The following PPM1H variants were observed in gnomAD, a reference collection of about 807,000 sequenced individuals.
PPM1H encodes protein phosphatase, Mg2+/Mn2+ dependent 1H.
In PPM1H, 27 loss-of-function variants were observed where a neutral mutation model predicts 54.9. The observed-to-expected ratio is 0.49, with a 90% CI of 0.36 to 0.68. The LOEUF is 0.68. PPM1H is among the 30% of genes least tolerant of loss of function. The pLI, the probability that PPM1H is intolerant of heterozygous loss-of-function variation, is 0.00. For synonymous variants in PPM1H, 305 were observed against 270.8 expected, an observed-to-expected ratio of 1.13 and a Z score of -1.24; for missense variants, 596 against 667.8, an observed-to-expected ratio of 0.89 and a Z score of 1.19.
At chr12:62,787,741 T>C (rs1042984906) in intron 4 of PPM1H, among the ~76,000 whole-genome samples, 1 of 152,218 alleles carries the variant, frequency 6.6e-6, no homozygotes, top group Non-Finnish European at 1.5e-5. Flanking sequence ...CAATGATCTC[T>C]TGGCTCAAAT....
intron 1 of PPM1H, among the ~76,000 whole-genome samples, chr12:62,855,526 G>C (rs1234937201): frequency 6.6e-6 from 1 of 152,180 alleles, no homozygotes. Flanking sequence ...GTTTCAATTA[G>C]CAGCGAGAAA....
chr12:62,871,530 T>C (rs1271686803), intron 1 of PPM1H, among the ~76,000 whole-genome samples: 1 of 150,504 alleles, frequency 6.6e-6, no homozygotes, highest in Non-Finnish European at 1.5e-5. Flanking sequence ...TTTTTTTTTT[T>C]TTGAGATAGG....
At chr12:62,648,673 G>A (rs994129450) in intron 9 of PPM1H, 37 bp from the exon 10 acceptor site, 1 of 1,604,504 alleles carries the variant, frequency 6.2e-7, no homozygotes, top group South Asian at 1.1e-5. Flanking sequence ...AGTCAGTAGA[G>A]CATCAGACAG....
chr12:62,771,295 GACACACACACACACACACACACACACAC>G, intron 4 of PPM1H, among the ~76,000 whole-genome samples: 1 of 131,968 alleles, frequency 7.6e-6, no homozygotes, highest in Middle Eastern at 3.9e-3. Flanking sequence ...ACTTTGTGAA[GACACACACACACACACACACACACACAC>G]ACACACACAC....
chr12:62,814,988 C>T (rs1252613255), intron 2 of PPM1H, among the ~76,000 whole-genome samples: 1 of 152,196 alleles, frequency 6.6e-6, no homozygotes, highest in Non-Finnish European at 1.5e-5. Flanking sequence ...ATAGGCATTC[C>T]ATCCACAGGG....
At chr12:62,835,352 AC>A (rs1868471379) in intron 1 of PPM1H, among the ~76,000 whole-genome samples, 1 of 152,242 alleles carries the variant, frequency 6.6e-6, no homozygotes, top group African/African-American at 2.4e-5. Flanking sequence ...GATGATCATG[AC>A]TGGCGCAAGG....
At chr12:62,730,450 T>C (rs1204991927) in intron 5 of PPM1H, among the ~76,000 whole-genome samples, 1 of 152,186 alleles carries the variant, frequency 6.6e-6, no homozygotes, top group African/African-American at 2.4e-5. Flanking sequence ...ATCAGCAGAA[T>C]GTGGAAAATA....
chr12:62,923,230 A>C (rs182414637), intron 1 of PPM1H, among the ~76,000 whole-genome samples: 13 of 152,346 alleles, frequency 8.5e-5, no homozygotes, highest in Admixed American at 8.5e-4. Context: ...ACAAGCTTAG[A>C]GATAACTCAA....
chr12:62,756,015 G>T, intron 4 of PPM1H: 1 of 1,410,470 alleles, frequency 7.1e-7, no homozygotes, highest in Non-Finnish European at 9.9e-7. Context: ...AGGTGGTGAA[G>T]CAGGCGTCCG....
rs1239990356 is a variant in PPM1H at position 62,844,321 on chromosome 12, C to A, written c.246-12042G>T. 6.6e-6 allele frequency among the ~76,000 whole-genome samples: 1 copy of A among 152,112 alleles called. No individual in the cohort carries two copies. On this transcript the variant is annotated intron_variant, in intron 1 of 9. Transcript: ENST00000228705. This position sits in a 1 kb window ranked among gnomAD's most constrained non-coding sequence, Gnocchi z 5.2. ...TTGCTTAGTATGGATTACTACATTCCAAGGAAGATTGCTTTAGCATTCCTG... is the reference window on the plus strand; with the variant it reads ...TTGCTTAGTATGGATTACTACATTCAAAGGAAGATTGCTTTAGCATTCCTG...
At chr12:62,876,426 T>C (rs1164836110) in intron 1 of PPM1H, among the ~76,000 whole-genome samples, 6 of 152,296 alleles carry the variant, frequency 3.9e-5, no homozygotes, top group Admixed American at 3.9e-4. Flanking sequence ...ATCAGGCCAT[T>C]TGTTAATGAT....
At chr12:62,917,687 T>TA (rs1216130617) in intron 1 of PPM1H, among the ~76,000 whole-genome samples, 7 of 152,338 alleles carry the variant, frequency 4.6e-5, no homozygotes, top group African/African-American at 1.7e-4. Flanking sequence ...CCTAAACATT[T>TA]AGTCTCTTTT....
chr12:62,844,027 G>C lies in PPM1H; in HGVS notation c.246-11748C>G, dbSNP rs1427410225. 2.6e-5 allele frequency among the ~76,000 whole-genome samples: 4 copies of C among 152,174 alleles called. No individual in the cohort carries two copies. The highest frequency in any genetic ancestry group is 5.9e-5 in the Non-Finnish European group (4 of 68,024). On this transcript the variant is annotated intron_variant, in intron 1 of 9. Transcript: ENST00000228705. The surrounding 1 kb of genome is among the most constrained non-coding windows in gnomAD (Gnocchi z 5.2). The stretch of plus-strand genomic sequence containing the variant: ...ATCTGAGTTTCATTTTAGGCAAACT[G>C]ATTTCTCTACCCTAAGGAAGCTAGA...
chr12:62,660,674 T>C lies in PPM1H; in HGVS notation c.1397+6504A>G, dbSNP rs143798368. On this transcript the variant is annotated intron_variant, in intron 9 of 9. Transcript: ENST00000228705. ...GAAACCAGAGCCCTGTCTCTCACCA[T>C]ATACAAAAATCAAATAATAAAAACA... Among the ~76,000 whole-genome samples, 1,219 of 152,278 alleles carry C rather than the reference T, an allele frequency of 8.0e-3. 16 individuals are homozygous for C. Among genetic ancestry groups the C allele is most frequent in the African/African-American group, 0.027 (1,112 of 41,548 alleles).
At chr12:62,772,401 A>G (rs1431363331) in intron 4 of PPM1H, among the ~76,000 whole-genome samples, 1 of 152,216 alleles carries the variant, frequency 6.6e-6, no homozygotes, top group African/African-American at 2.4e-5. Context: ...CTTCACATAG[A>G]GAGCTACTGT....
At chr12:62,742,568 T>C (rs1433516818) in intron 4 of PPM1H, among the ~76,000 whole-genome samples, 3 of 152,254 alleles carry the variant, frequency 2.0e-5, no homozygotes, top group East Asian at 3.8e-4. Context: ...AGCTACAGTC[T>C]GTCATCACAG....
chr12:62,931,818 A>T (rs1353416872), intron 1 of PPM1H, among the ~76,000 whole-genome samples: 3 of 152,226 alleles, frequency 2.0e-5, no homozygotes, highest in African/African-American at 7.2e-5. Flanking sequence ...AGTAAGCATT[A>T]ACTATGTTAG....
intron 4 of PPM1H, among the ~76,000 whole-genome samples, chr12:62,775,204 AATT>A (rs1404084634): frequency 9.9e-5 from 15 of 152,210 alleles, no homozygotes. Context: ...AGAGTGACTC[AATT>A]ATTATATATG....
chr12:62,648,412 G>T lies in PPM1H; in HGVS notation c.*77C>A. ...ACTGCATCACTTGGAACTCAGCTGG[G>T]GCACTTCCCAGTTCCGTCCTGCCAA... On this transcript the variant is annotated 3_prime_UTR_variant, in exon 10 of 10. Coordinates refer to ENST00000228705, the MANE Select transcript of PPM1H (RefSeq NM_020700.2). 6.5e-7 allele frequency: 1 copy of T among 1,547,862 alleles called. No individual in the cohort carries two copies.
Sources: allele counts gnomAD v4.1 joint callset (sites outside exome capture counted in the v4.1 genomes callset), GRCh38; gene constraint gnomAD v4.1.1; non-coding constraint Gnocchi (gnomAD v3.1); transcripts MANE v1.5; gene names NCBI Gene and HGNC (gene_info 2026-07-23, HGNC 2026-07-21).